Variants in TMEM132D observed in about 807,000 individuals in gnomAD.
TMEM132D encodes mature OL transmembrane protein.
TMEM132D carries 21 observed loss-of-function variants against 62.3 expected under a neutral mutation model. That is an observed-to-expected ratio of 0.34 (90% CI 0.24 to 0.49). The LOEUF (loss-of-function observed/expected upper bound fraction) is 0.49. Ranked by LOEUF, TMEM132D falls within the 20% of genes least tolerant of loss-of-function variation. The probability of loss-of-function intolerance (pLI) is 0.99; values close to 1 mark genes in which losing one functional copy is unlikely to be tolerated. For missense variants in TMEM132D, 1,346 were observed against 1,402.8 expected (o/e 0.96, Z 0.65); for synonymous variants, 621 against 575.6 (o/e 1.08, Z -1.13).
intron 2 of TMEM132D, among the ~76,000 whole-genome samples, chr12:129,574,145 G>C (rs1324745267): frequency 6.6e-6 from 1 of 151,942 alleles, no homozygotes; most frequent in Non-Finnish European, 1.5e-5. Context: ...TAGTTGGGTA[G>C]AGTATATTTA....
At chr12:129,246,819 T>G (rs1364507524) in intron 4 of TMEM132D, among the ~76,000 whole-genome samples, 1 of 152,044 alleles carries the variant, frequency 6.6e-6, no homozygotes, top group East Asian at 1.9e-4. Context: ...GATTGATATG[T>G]TTTGATATGT....
intron 5 of TMEM132D, among the ~76,000 whole-genome samples, chr12:129,160,419 C>G (rs901531992): frequency 6.6e-6 from 1 of 152,200 alleles, no homozygotes; most frequent in Admixed American, 6.5e-5. Flanking sequence ...GACTCAGTCT[C>G]AAGACTTTAG....
chr12:129,409,653 TATAAA>T (rs1871905444), intron 3 of TMEM132D, among the ~76,000 whole-genome samples: 1 of 152,344 alleles, frequency 6.6e-6, no homozygotes, highest in East Asian at 1.9e-4. Flanking sequence ...GTTCAATTCC[TATAAA>T]ATAAATAAAA....
intron 1 of TMEM132D, among the ~76,000 whole-genome samples, chr12:129,716,153 A>G (rs753373445): frequency 1.3e-5 from 2 of 152,194 alleles, no homozygotes; most frequent in Non-Finnish European, 2.9e-5. Context: ...CTGCTTTTCT[A>G]TTCTGAGTAG....
chr12:129,085,575 G>C (rs568751999), intron 5 of TMEM132D: 21 of 152,378 alleles, frequency 1.4e-4, no homozygotes, highest in Middle Eastern at 3.4e-3. Context: ...CACGTCACAG[G>C]CTCCGCTTTT....
chr12:129,401,583 G>GA (rs1871624002), intron 3 of TMEM132D, among the ~76,000 whole-genome samples: 2 of 151,900 alleles, frequency 1.3e-5, no homozygotes, highest in Admixed American at 1.3e-4. Context: ...AAAAAGAAAA[G>GA]AAAAAGAAAA....
chr12:129,535,693 G>A (rs1192943835), intron 2 of TMEM132D, among the ~76,000 whole-genome samples: 1 of 152,082 alleles, frequency 6.6e-6, no homozygotes, highest in African/African-American at 2.4e-5. Flanking sequence ...CATAGAGACA[G>A]AAAGCAAAAT....
At chr12:129,430,042 T>A (rs145571464) in intron 3 of TMEM132D, among the ~76,000 whole-genome samples, 4,903 of 152,302 alleles carry the variant, frequency 0.032, 116 homozygotes, top group Non-Finnish European at 0.049. Context: ...ACTATAAACA[T>A]ACGTGTGTAT....
intron 2 of TMEM132D, among the ~76,000 whole-genome samples, chr12:129,695,490 G>A (rs1022678444): frequency 1.3e-5 from 2 of 152,120 alleles, no homozygotes; most frequent in African/African-American, 2.4e-5. Context: ...TCCCCACTAG[G>A]GTAACAACGG....
chr12:129,244,852 G>T (rs1202756556), intron 4 of TMEM132D, among the ~76,000 whole-genome samples: 1 of 152,180 alleles, frequency 6.6e-6, no homozygotes, highest in East Asian at 1.9e-4. Context: ...TATTGGCCAG[G>T]CTGGTCTCAA....
At chr12:129,651,302 C>T (rs534342102) in intron 2 of TMEM132D, among the ~76,000 whole-genome samples, 16 of 152,262 alleles carry the variant, frequency 1.1e-4, no homozygotes, top group Admixed American at 5.9e-4. Flanking sequence ...GTGACCAAGT[C>T]GCATTGATAC....
At chr12:129,193,712 C>T (rs1878473819) in intron 5 of TMEM132D, among the ~76,000 whole-genome samples, 1 of 152,188 alleles carries the variant, frequency 6.6e-6, no homozygotes, top group Non-Finnish European at 1.5e-5. Context: ...TCCATTCATT[C>T]AACAAATCAT....
At position 129,473,330 on chromosome 12, in the gene TMEM132D, T is replaced by TTTG. The variant is rs796533488; in HGVS notation, c.1115+57728_1115+57729insCAA. Among the ~76,000 whole-genome samples, 636 of 130,448 alleles carry TTTG rather than the reference T, an allele frequency of 4.9e-3. 12 individuals carry two copies. Among genetic ancestry groups the TTTG allele is most frequent in the African/African-American group, 0.019 (609 of 32,124 alleles). 85.6% of individuals were successfully genotyped at this position (130,448 alleles called of 152,430 possible). A position where few individuals can be genotyped will look rare whatever the true frequency, so the allele number is the denominator to read the frequency against. The stretch of plus-strand genomic sequence containing the variant: ...TAAAGTGATTTTAGTTTTTGTTTTT[T>TTTG]TTTTTTTTTTTTTTTTGAGACCAAG... On this transcript the variant is annotated intron_variant, in intron 3 of 8. Coordinates refer to ENST00000422113, the MANE Select transcript of TMEM132D (RefSeq NM_133448.3).
At chr12:129,601,183 G>A (rs144950008) in intron 2 of TMEM132D, among the ~76,000 whole-genome samples, 16 of 152,276 alleles carry the variant, frequency 1.1e-4, no homozygotes, top group Admixed American at 8.5e-4. Context: ...CATAGAGATG[G>A]CATCTTTTCT....
At chr12:129,170,907 G>GC (rs2135546329) in intron 5 of TMEM132D, among the ~76,000 whole-genome samples, 1 of 152,280 alleles carries the variant, frequency 6.6e-6, no homozygotes, top group East Asian at 1.9e-4. Context: ...GAGGTTGATG[G>GC]CTGCTGGCTG....
At chr12:129,712,488 T>G (rs1868407372) in intron 1 of TMEM132D, among the ~76,000 whole-genome samples, 1 of 152,164 alleles carries the variant, frequency 6.6e-6, no homozygotes, top group Non-Finnish European at 1.5e-5. Flanking sequence ...TTTCCAAGTC[T>G]CCCTTGCAGG....
chr12:129,304,723 T>C lies in TMEM132D; in HGVS notation c.1299+32911A>G, dbSNP rs1003485082. 6.1e-5 allele frequency among the ~76,000 whole-genome samples: 9 copies of C among 147,968 alleles called. No homozygotes were observed. The South Asian group carries it at 6.6e-4, about 11-fold the overall frequency. On this transcript the variant is annotated intron_variant, in intron 4 of 8. Transcript: ENST00000422113. The stretch of plus-strand genomic sequence containing the variant: ...TGCTCTGTCAGGCTGGAATGCAGTG[T>C]CGCAATCTCAGCTCACTGAAATCTC...
chr12:129,149,883 T>C (rs1877021755), intron 5 of TMEM132D, among the ~76,000 whole-genome samples: 1 of 152,232 alleles, frequency 6.6e-6, no homozygotes, highest in Non-Finnish European at 1.5e-5. Flanking sequence ...ACTCCTCCTG[T>C]AGCTAACTAC....
intron 1 of TMEM132D, among the ~76,000 whole-genome samples, chr12:129,807,391 G>C (rs1872027570): frequency 6.6e-6 from 1 of 152,092 alleles, no homozygotes; most frequent in Non-Finnish European, 1.5e-5. Context: ...CACCAAAGAG[G>C]CCACAATGCT....
Sources: gnomAD v4.1 joint callset for allele counts (sites outside exome capture counted in the v4.1 genomes callset) on GRCh38, gnomAD v4.1.1 for gene constraint, MANE v1.5 for transcripts, NCBI Gene and HGNC (gene_info 2026-07-23, HGNC 2026-07-21) for gene names.